Variants in MMRN1 observed in about 807,000 individuals in gnomAD.
The protein encoded by MMRN1 is multimerin 1, also known as multimerin-1.
Under a neutral mutation model 100.7 loss-of-function variants are expected in MMRN1, and 94 were observed. The observed-to-expected ratio is 0.93, with a 90% confidence interval of 0.79 to 1.11. The LOEUF is 1.11. MMRN1 is among the 50% of genes least tolerant of loss of function. The pLI, the probability that MMRN1 is intolerant of heterozygous loss-of-function variation, is 0.00. For synonymous variants in MMRN1, 575 were observed against 505.0 expected, an observed-to-expected ratio of 1.14 and a Z score of -1.86; for missense variants, 1,606 against 1,439.1, an observed-to-expected ratio of 1.12 and a Z score of -1.88.
chr4:89,917,198 A>G (rs1721949486), intron 3 of MMRN1, among the ~76,000 whole-genome samples: 1 of 151,856 alleles, frequency 6.6e-6, no homozygotes, highest in African/African-American at 2.4e-5. Flanking sequence ...TATAATCTTC[A>G]TATTAAATAT....
upstream of MMRN1, chr4:89,894,657 AGT>A (rs1721130535): frequency 4.7e-6 from 1 of 213,840 alleles, no homozygotes; most frequent in African/African-American, 2.3e-5. Context: ...AGGAAAAGAA[AGT>A]TACTTCATAT....
At chr4:89,951,905 G>A (rs1027098754) in intron 7 of MMRN1, among the ~76,000 whole-genome samples, 154 bp downstream of exon 7, 1 of 152,102 alleles carries the variant, frequency 6.6e-6, no homozygotes, top group Non-Finnish European at 1.5e-5. Context: ...GAATGTACCT[G>A]ATTTACAAGT....
At chr4:89,906,367 A>G (rs1721565081) in intron 1 of MMRN1, among the ~76,000 whole-genome samples, 1 of 151,480 alleles carries the variant, frequency 6.6e-6, no homozygotes, top group Admixed American at 6.6e-5. Flanking sequence ...CCTTTTACCT[A>G]TTAACTTGGA....
chr4:89,884,728 C>G (rs1172050396), intron 1 of MMRN1, among the ~76,000 whole-genome samples: 2 of 152,072 alleles, frequency 1.3e-5, no homozygotes, highest in Non-Finnish European at 2.9e-5. Flanking sequence ...TCCCAAGTAG[C>G]TGGGACTACA....
chr4:89,921,461 C>T (rs1043106488), intron 3 of MMRN1, among the ~76,000 whole-genome samples: 2 of 152,032 alleles, frequency 1.3e-5, no homozygotes, highest in African/African-American at 4.8e-5. Flanking sequence ...CTTAGTACAC[C>T]ATTTAAGGAG....
intron 3 of MMRN1, among the ~76,000 whole-genome samples, chr4:89,921,564 A>C (rs1722089859): frequency 1.3e-5 from 2 of 149,200 alleles, no homozygotes; most frequent in Admixed American, 1.3e-4. Context: ...GCTAGGTCTT[A>C]GAAGAAGATT....
rs181934393 is a variant in MMRN1 at position 89,928,049 on chromosome 4, G to A, written c.1129+81G>A. On this transcript the variant is annotated intron_variant, in intron 5 of 7. Transcript: ENST00000264790. ...ATTTTTCTTTTCTTACATCACTTTG[G>A]GATCTTTGCTTTAGTTTGGGTGGTA... 5.7e-4 allele frequency: 668 copies of A among 1,179,520 alleles called. 4 individuals are homozygous for A. The African/African-American group carries it at 9.5e-3, about 17-fold the overall frequency. The allele number at this position is 1,179,520 out of a possible 1,614,324, so 73.1% of individuals were successfully genotyped here.
chr4:89,945,671 G>A (rs764442997), intron 6 of MMRN1, among the ~76,000 whole-genome samples: 3 of 152,020 alleles, frequency 2.0e-5, no homozygotes, highest in Non-Finnish European at 1.5e-5. Flanking sequence ...ATCAGTTCAC[G>A]ATATCAAACA....
intron 6 of MMRN1, 60 bp from the exon 7 acceptor site, chr4:89,951,545 A>G: frequency 7.0e-7 from 1 of 1,423,914 alleles, no homozygotes; most frequent in Non-Finnish European, 9.2e-7. Flanking sequence ...CTACGATTTG[A>G]GATCAACAGG....
rs1461264117 is a variant in MMRN1, at chr4:89,895,357, C to A, written c.386C>A (p.Ala129Glu). The part of the protein sequence containing the change: ...TNASIKFNPG[A>E]ESVVLSNSTL... ...GCTAGCATCAAGTTCAATCCTGGAG[C>A]AGAATCAGTGGTCCTTTCCAATTCT... is the stretch of plus-strand genomic sequence containing the variant. The change falls in exon 1 of 8, where the codon GCA (alanine) becomes GAA (glutamate). Residue 129 changes from alanine (A) to glutamate (E), a missense_variant. Ala to Glu is a moderately radical substitution (Grantham distance 107, BLOSUM62 -1). Transcript: ENST00000264790. 5 of 1,613,738 alleles carry A rather than the reference C, an allele frequency of 3.1e-6. No individual in the cohort carries two copies. The highest frequency in any genetic ancestry group is 4.5e-5 in the East Asian group (2 of 44,826).
chr4:89,936,122 A>G lies in MMRN1; in HGVS notation c.2442A>G (p.Lys814=), dbSNP rs150179645. ...TTGCAGGTATTCCCAGAGATGAGAA[A>G]CTAAATCAGTCCAACTTCCAAAAGA... The part of the protein sequence containing the change: ...KTLAGIPRDE[K]LNQSNFQKMY... The change falls in exon 6 of 8, where the codon AAA becomes AAG. Residue 814 remains lysine (K), a synonymous_variant. Transcript: ENST00000264790. The G allele has an allele frequency of 1.7e-4, 282 of 1,612,566 alleles. No individual in the cohort carries two copies. Among genetic ancestry groups the G allele is most frequent in the Non-Finnish European group, 7.7e-5 (91 of 1,179,630 alleles).
chr4:89,932,974 T>G (rs1251508149), intron 5 of MMRN1, among the ~76,000 whole-genome samples: 6 of 152,272 alleles, frequency 3.9e-5, no homozygotes, highest in Admixed American at 3.3e-4. Flanking sequence ...AGCCTGCAAA[T>G]TTTTGAACTT....
intron 3 of MMRN1, 80 bp from the exon 4 acceptor site, chr4:89,923,088 C>G: frequency 8.7e-7 from 1 of 1,143,418 alleles, no homozygotes; most frequent in South Asian, 1.4e-5. Flanking sequence ...TGAATGTCAG[C>G]CAAATTATTG....
At chr4:89,950,963 T>C (rs1560601279) in intron 6 of MMRN1, among the ~76,000 whole-genome samples, 1 of 152,136 alleles carries the variant, frequency 6.6e-6, no homozygotes. Flanking sequence ...TTGTAACTTA[T>C]CATTAAACTT....
intron 3 of MMRN1, among the ~76,000 whole-genome samples, chr4:89,918,366 C>A (rs1277728265): frequency 6.6e-6 from 1 of 151,664 alleles, no homozygotes; most frequent in East Asian, 1.9e-4. Context: ...TTAAAAAAGT[C>A]TATTTTCCAA....
At chr4:89,925,634 A>G (rs1722230548) in intron 4 of MMRN1, among the ~76,000 whole-genome samples, 1 of 151,906 alleles carries the variant, frequency 6.6e-6, no homozygotes. Flanking sequence ...GATCAAGAAC[A>G]TCCTGGCCAA....
At chr4:89,933,636 G>T (rs1228109156) in intron 5 of MMRN1, among the ~76,000 whole-genome samples, 2 of 152,166 alleles carry the variant, frequency 1.3e-5, no homozygotes, top group Non-Finnish European at 2.9e-5. Flanking sequence ...GACAGCATGT[G>T]CAGGGGAACT....
chr4:89,889,781 G>C (rs1721009644), intron 1 of MMRN1, among the ~76,000 whole-genome samples: 2 of 152,062 alleles, frequency 1.3e-5, no homozygotes, highest in South Asian at 4.2e-4. Context: ...CCAATGGGGT[G>C]AAGAGAGGAT....
chr4:89,882,967 A>T (rs1720853444), intron 1 of MMRN1, among the ~76,000 whole-genome samples: 1 of 151,640 alleles, frequency 6.6e-6, no homozygotes, highest in Admixed American at 6.6e-5. Flanking sequence ...TATCATTGTA[A>T]ATTAGTATTT....
Sources: allele counts gnomAD v4.1 joint callset (sites outside exome capture counted in the v4.1 genomes callset), GRCh38; gene constraint gnomAD v4.1.1; transcripts MANE v1.5; gene names NCBI Gene and HGNC (gene_info 2026-07-23, HGNC 2026-07-21).